The following CCNH variants were observed in gnomAD, a reference collection of about 807,000 sequenced individuals.
CCNH encodes cyclin-H.
Under a neutral mutation model 41.9 loss-of-function variants are expected in CCNH, and 31 were observed. That is an observed-to-expected ratio of 0.74 (90% CI 0.56 to 1.00). The LOEUF is 1.00. CCNH is among the 50% of genes least tolerant of loss of function. The pLI is 0.00. For synonymous variants in CCNH, 138 were observed against 136.1 expected, an observed-to-expected ratio of 1.01 and a Z score of -0.10; for missense variants, 362 against 388.4, an observed-to-expected ratio of 0.93 and a Z score of 0.57.
intron 9 of CCNH, chr5:87,331,277 G>T (rs1189447873): frequency 1.4e-6 from 2 of 1,459,522 alleles, no homozygotes; most frequent in Non-Finnish European, 1.9e-6. Flanking sequence ...CTAGTAGTAT[G>T]TTTTTCAAGT....
chr5:87,385,069 G>A (rs1006965128), intron 9 of CCNH, among the ~76,000 whole-genome samples: 1 of 152,054 alleles, frequency 6.6e-6, no homozygotes, highest in Non-Finnish European at 1.5e-5. Flanking sequence ...CTTTTCGCAA[G>A]CCTAGAAGCA....
At chr5:87,331,410 C>G (rs760186488) in intron 9 of CCNH, 2 of 1,613,602 alleles carry the variant, frequency 1.2e-6, no homozygotes, top group South Asian at 2.2e-5. Context: ...GCAGGGAAGT[C>G]TGGCAGTTAT....
intron 9 of CCNH, among the ~76,000 whole-genome samples, chr5:87,349,749 CTTA>C (rs1293609333): frequency 6.6e-6 from 1 of 151,844 alleles, no homozygotes; most frequent in East Asian, 1.9e-4. Context: ...ATACCTGAGA[CTTA>C]TTATACAGAT....
At chr5:87,395,234 A>AGAT in intron 7 of CCNH, 130 bp from the exon 8 acceptor site, 1 of 646,216 alleles carries the variant, frequency 1.5e-6, no homozygotes, top group Non-Finnish European at 2.6e-6. Flanking sequence ...AAATGGAAAA[A>AGAT]GATAAACAGC....
chr5:87,394,623 G>A, intron 8 of CCNH, 139 bp from the exon 9 acceptor site: 2 of 1,479,808 alleles, frequency 1.4e-6, no homozygotes, highest in African/African-American at 1.4e-5. Flanking sequence ...TTTTGTAATA[G>A]TTCACTGTTA....
intron 9 of CCNH, among the ~76,000 whole-genome samples, chr5:87,365,109 G>A (rs745410230): frequency 1.2e-4 from 19 of 152,148 alleles, no homozygotes; most frequent in Non-Finnish European, 2.6e-4. Context: ...GGTGGCTCTT[G>A]ATTCTTGGAG....
intron 7 of CCNH, among the ~76,000 whole-genome samples, chr5:87,396,848 G>A (rs755247065): frequency 1.3e-5 from 2 of 152,012 alleles, no homozygotes; most frequent in Non-Finnish European, 2.9e-5. Context: ...AGAAAAAAAC[G>A]CTGCTTATTT....
chr5:87,400,302 A>G (rs1179840606), intron 6 of CCNH, among the ~76,000 whole-genome samples: 1 of 152,222 alleles, frequency 6.6e-6, no homozygotes, highest in African/African-American at 2.4e-5. Context: ...CTATGTTCCA[A>G]AAATTACAAA....
At chr5:87,400,664 A>G (rs1188844364) in intron 6 of CCNH, among the ~76,000 whole-genome samples, 1 of 152,230 alleles carries the variant, frequency 6.6e-6, no homozygotes, top group Non-Finnish European at 1.5e-5. Context: ...TTAAAACACA[A>G]AATATATAAA....
downstream of CCNH, chr5:87,374,459 A>ATT (rs770426797): frequency 1.5e-3 from 251 of 167,570 alleles, no homozygotes; most frequent in African/African-American, 2.7e-3. Context: ...ATATATATAT[A>ATT]TTTTTTTTTT....
intron 9 of CCNH, among the ~76,000 whole-genome samples, chr5:87,350,304 A>G (rs1759168872): frequency 6.6e-6 from 1 of 151,894 alleles, no homozygotes; most frequent in African/African-American, 2.4e-5. Context: ...TACTTTATAC[A>G]TGACAATCTG....
downstream of CCNH, among the ~76,000 whole-genome samples, chr5:87,318,190 T>C (rs1374854207): frequency 3.9e-5 from 6 of 152,092 alleles, no homozygotes; most frequent in South Asian, 1.2e-3. Flanking sequence ...CCACAAATAT[T>C]TGTGGATTCC....
At chr5:87,395,247 T>C (rs1397995794) in intron 7 of CCNH, 143 bp from the exon 8 acceptor site, 2 of 578,626 alleles carry the variant, frequency 3.5e-6, no homozygotes, top group African/African-American at 3.8e-5. Flanking sequence ...TAAACAGCTA[T>C]GGGGTAGGGA....
At chr5:87,337,645 C>T (rs1214736831) in intron 9 of CCNH, among the ~76,000 whole-genome samples, 1 of 152,026 alleles carries the variant, frequency 6.6e-6, no homozygotes, top group African/African-American at 2.4e-5. Flanking sequence ...CTTGTAGTTA[C>T]ACCCCAAAAC....
At chr5:87,374,251 G>A, downstream of CCNH, 1 of 1,600,186 alleles carries the variant, frequency 6.2e-7, no homozygotes, top group Non-Finnish European at 8.5e-7. Flanking sequence ...TACCTGAATA[G>A]TGTCCAAGTA....
chr5:87,325,261 G>T (rs1188340669), intron 9 of CCNH, among the ~76,000 whole-genome samples: 1 of 152,124 alleles, frequency 6.6e-6, no homozygotes, highest in African/African-American at 2.4e-5. Flanking sequence ...CCATAATTCA[G>T]TTACTTCCCA....
intron 9 of CCNH, chr5:87,362,505 T>A: frequency 1.9e-6 from 3 of 1,545,720 alleles, no homozygotes; most frequent in Non-Finnish European, 2.7e-6. Flanking sequence ...TTACTTCATT[T>A]CCATCAAGAA....
At chr5:87,314,465 G>A (rs989081840), downstream of CCNH, among the ~76,000 whole-genome samples, 1 of 152,204 alleles carries the variant, frequency 6.6e-6, no homozygotes. Context: ...GGAAATGACA[G>A]GATGGAAGAA....
At chr5:87,372,964 TC>T (rs1761056974), downstream of CCNH, among the ~76,000 whole-genome samples, 1 of 152,140 alleles carries the variant, frequency 6.6e-6, no homozygotes, top group African/African-American at 2.4e-5. Context: ...GTCTGGCTCT[TC>T]CCCAGGGAAA....
Sources: allele counts gnomAD v4.1 joint callset (sites outside exome capture counted in the v4.1 genomes callset), GRCh38; gene constraint gnomAD v4.1.1; transcripts MANE v1.5; gene names NCBI Gene and HGNC (gene_info 2026-07-23, HGNC 2026-07-21).